The following NGLY1 variants were observed in gnomAD, a reference collection of about 807,000 sequenced individuals.
NGLY1 encodes the protein N-glycanase 1, also known as peptide-N(4)-(N-acetyl-beta-glucosaminyl)asparagine amidase.
Under a neutral mutation model 84.6 loss-of-function variants are expected in NGLY1, and 68 were observed. The ratio of observed to expected loss-of-function variants is 0.80; its 90% CI spans 0.66 to 0.98. NGLY1 has a LOEUF of 0.98. Among genes scored for constraint, NGLY1 ranks in the 50% least tolerant of loss-of-function variants. NGLY1 has a pLI of 0.00. For missense variants in NGLY1, 779 were observed against 770.2 expected (o/e 1.01, Z -0.14); for synonymous variants, 280 against 275.2 (o/e 1.02, Z -0.17).
At position 25,751,009 on chromosome 3, in the gene NGLY1, G is replaced by A; in HGVS notation, c.658+89C>T. 3 of 1,333,106 alleles carry A rather than the reference G, an allele frequency of 2.3e-6. No individual in the cohort carries two copies. In the South Asian group the frequency reaches 4.3e-5, roughly 19 times the overall value. 82.6% of individuals were successfully genotyped at this position (1,333,106 alleles called of 1,614,324 possible). ...GTGGACCCATGCAGTTCAAACCCATGTTCTTCAAGGGTCAGTTGTATTTCA... is the reference window on the plus strand; with the variant it reads ...GTGGACCCATGCAGTTCAAACCCATATTCTTCAAGGGTCAGTTGTATTTCA... On this transcript the variant is annotated intron_variant, in intron 4 of 11. Coordinates refer to ENST00000280700, the MANE Select transcript of NGLY1 (RefSeq NM_018297.4).
chr3:25,768,092 G>A (rs1182782296), intron 2 of NGLY1, among the ~76,000 whole-genome samples: 3 of 122,140 alleles, frequency 2.5e-5, no homozygotes, highest in Admixed American at 1.0e-4. Context: ...CAGGCTGGGC[G>A]ACAGAGCAAG....
At chr3:25,725,281 C>G (rs1705192734) in intron 10 of NGLY1, among the ~76,000 whole-genome samples, 1 of 152,204 alleles carries the variant, frequency 6.6e-6, no homozygotes, top group South Asian at 2.1e-4. Flanking sequence ...TTCTGGAGAG[C>G]TGATCACATG....
chr3:25,786,375 T>G (rs1449933161), upstream of NGLY1, among the ~76,000 whole-genome samples: 1 of 151,868 alleles, frequency 6.6e-6, no homozygotes, highest in Non-Finnish European at 1.5e-5. Flanking sequence ...ATGATGTTTT[T>G]AATAAAGGTG....
At chr3:25,761,156 A>C (rs1377470858) in intron 3 of NGLY1, among the ~76,000 whole-genome samples, 1 of 152,194 alleles carries the variant, frequency 6.6e-6, no homozygotes, top group Non-Finnish European at 1.5e-5. Context: ...AAAAGTTCCT[A>C]ACAATTTCAT....
At chr3:25,749,782 G>A (rs1706633954) in intron 4 of NGLY1, 1 of 1,367,260 alleles carries the variant, frequency 7.3e-7, no homozygotes, top group Non-Finnish European at 1.0e-6. Flanking sequence ...ACTGTGCTGA[G>A]ATTGCTCACA....
At chr3:25,774,149 G>GA (rs1003539221) in intron 2 of NGLY1, among the ~76,000 whole-genome samples, 9 of 152,362 alleles carry the variant, frequency 5.9e-5, no homozygotes, top group Admixed American at 2.6e-4. Flanking sequence ...GGTTAGCCAG[G>GA]ATGTTACAGG....
intron 2 of NGLY1, among the ~76,000 whole-genome samples, chr3:25,774,059 G>A (rs1262011793): frequency 6.6e-6 from 1 of 152,232 alleles, no homozygotes; most frequent in African/African-American, 2.4e-5. Flanking sequence ...CTTGGTTGCA[G>A]TTTTGTTTAG....
At position 25,783,067 on chromosome 3, in the gene NGLY1, G is replaced by A; in HGVS notation, c.131+193C>T. 2 of 546,060 alleles carry A rather than the reference G, an allele frequency of 3.7e-6. No individual in the cohort carries two copies. The highest frequency in any genetic ancestry group is 2.3e-5 in the South Asian group (1 of 44,260). 33.8% of individuals were successfully genotyped at this position (546,060 alleles called of 1,614,324 possible). On this transcript the variant is annotated intron_variant, in intron 1 of 11. Transcript: ENST00000280700. The surrounding 1 kb of genome is among the most constrained non-coding windows in gnomAD (Gnocchi z 4.5). ...AAGAAACTTCCTTTTCTCGAGCGGG[G>A]GTGGGACTTGGCCGGGTCCCGAGGC...
chr3:25,790,003 G>A, exon 1 of NGLY1: 1 of 1,074,878 alleles, frequency 9.3e-7, no homozygotes. Context: ...GTCAACCGGC[G>A]GAAAGAGAGT....
At chr3:25,768,576 T>C (rs1292351976) in intron 2 of NGLY1, among the ~76,000 whole-genome samples, 6 of 150,442 alleles carry the variant, frequency 4.0e-5, no homozygotes, top group African/African-American at 1.5e-4. Context: ...TTTTTTTTTT[T>C]TTTTTTTAGC....
At chr3:25,779,966 G>A (rs1406729955) in intron 1 of NGLY1, among the ~76,000 whole-genome samples, 1 of 152,036 alleles carries the variant, frequency 6.6e-6, no homozygotes, top group East Asian at 1.9e-4. Context: ...TTCTTTGTTT[G>A]TTTACAAGTG....
intron 4 of NGLY1, among the ~76,000 whole-genome samples, chr3:25,747,799 C>T (rs1325979630): frequency 6.6e-6 from 1 of 152,168 alleles, no homozygotes; most frequent in Non-Finnish European, 1.5e-5. Flanking sequence ...AAAGAAGTCA[C>T]TAGAGCCATA....
chr3:25,788,863 C>T (rs892141741), intron 1 of NGLY1, among the ~76,000 whole-genome samples: 11 of 152,164 alleles, frequency 7.2e-5, no homozygotes, highest in Non-Finnish European at 1.6e-4. Flanking sequence ...TTATTTTAAA[C>T]AAAATAGATT....
intron 6 of NGLY1, chr3:25,736,530 A>T (rs930603634): frequency 2.4e-5 from 15 of 637,294 alleles, no homozygotes; most frequent in Non-Finnish European, 4.1e-5. Flanking sequence ...AACCAGCAGG[A>T]AGTCTAATAG....
rs758568528 is a variant in NGLY1, at chr3:25,725,759, T to A, written c.1611+3374A>T. The stretch of plus-strand genomic sequence containing the variant: ...TGTAGAGAGAACAGAAAAAAAAAAA[T>A]ACTTGTAGAGTGAACAAAACAAAAC... On this transcript the variant is annotated intron_variant, in intron 10 of 11. Transcript: ENST00000280700. 2.9e-3 allele frequency among the ~76,000 whole-genome samples: 434 copies of A among 151,848 alleles called. 3 individuals carry two copies. Among genetic ancestry groups the A allele is most frequent in the Non-Finnish European group, 5.1e-3 (343 of 67,916 alleles).
intron 2 of NGLY1, among the ~76,000 whole-genome samples, chr3:25,765,808 C>A (rs1707536756): frequency 6.6e-6 from 1 of 152,074 alleles, no homozygotes. Flanking sequence ...GTGATCAAAG[C>A]TATAACCTCA....
intron 4 of NGLY1, among the ~76,000 whole-genome samples, chr3:25,744,778 TTC>T (rs1223189512): frequency 1.3e-5 from 2 of 152,210 alleles, no homozygotes; most frequent in Non-Finnish European, 1.5e-5. Flanking sequence ...TTTATGCCTT[TTC>T]TCTGTTTCTT....
chr3:25,733,315 A>C lies in NGLY1; in HGVS notation c.1260+557T>G, dbSNP rs570008033. On this transcript the variant is annotated intron_variant, in intron 8 of 11. Coordinates refer to ENST00000280700, the MANE Select transcript of NGLY1 (RefSeq NM_018297.4). Reference sequence around the variant, plus strand: ...GCTTATTTTTTAATTTATGAAAAAAACCCACATGTATAGAGTTAAAAATTT... The same window carrying C: ...GCTTATTTTTTAATTTATGAAAAAACCCCACATGTATAGAGTTAAAAATTT... 8.5e-5 allele frequency among the ~76,000 whole-genome samples: 13 copies of C among 152,314 alleles called. No individual in the cohort carries two copies. In the East Asian group the frequency reaches 2.3e-3, roughly 27 times the overall value.
chr3:25,786,056 C>G (rs1387339629), upstream of NGLY1, among the ~76,000 whole-genome samples: 1 of 152,208 alleles, frequency 6.6e-6, no homozygotes, highest in African/African-American at 2.4e-5. Flanking sequence ...TCCTGAAAGA[C>G]TTCAACTCCT....
Sources: allele counts gnomAD v4.1 joint callset (sites outside exome capture counted in the v4.1 genomes callset), GRCh38; gene constraint gnomAD v4.1.1; non-coding constraint Gnocchi (gnomAD v3.1); transcripts MANE v1.5; gene names NCBI Gene and HGNC (gene_info 2026-07-23, HGNC 2026-07-21).